RGS21: variants seen among roughly 807,000 people sequenced by gnomAD.
RGS21 encodes the protein regulator of G-protein signalling 21.
Under a neutral mutation model 18.7 loss-of-function variants are expected in RGS21, and 19 were observed. The observed-to-expected ratio is 1.01, with a 90% confidence interval of 0.71 to 1.49. The LOEUF is 1.49. Among genes scored for constraint, RGS21 ranks in the 40% most tolerant of loss-of-function variants. The pLI is 0.00. For missense variants in RGS21, 194 were observed against 176.8 expected, an observed-to-expected ratio of 1.10 and a Z score of -0.55; for synonymous variants, 56 against 57.8, an observed-to-expected ratio of 0.97 and a Z score of 0.14.
At chr1:192,364,910 G>T (rs1473040293) in intron 4 of RGS21, among the ~76,000 whole-genome samples, 4 of 151,910 alleles carry the variant, frequency 2.6e-5, no homozygotes, top group Non-Finnish European at 5.9e-5. Context: ...AGGCAGGCAG[G>T]TCATCTGAGG....
At chr1:192,342,005 C>T (rs956221412) in intron 1 of RGS21, among the ~76,000 whole-genome samples, 1 of 151,942 alleles carries the variant, frequency 6.6e-6, no homozygotes, top group African/African-American at 2.4e-5. Context: ...GATACACCGA[C>T]TTTTTAGGTC....
chr1:192,336,513 A>T (rs140715312), intron 1 of RGS21, among the ~76,000 whole-genome samples: 1 of 152,294 alleles, frequency 6.6e-6, no homozygotes, highest in Non-Finnish European at 1.5e-5. Context: ...GATAAATTCA[A>T]TGCAAGACCT....
chr1:192,355,535 CA>C (rs1056463191), intron 4 of RGS21, among the ~76,000 whole-genome samples: 5 of 149,030 alleles, frequency 3.4e-5, no homozygotes, highest in Non-Finnish European at 7.5e-5. Context: ...GAAAATATAG[CA>C]GAAAAAAAAA....
At chr1:192,344,761 T>C (rs1051338898) in intron 2 of RGS21, among the ~76,000 whole-genome samples, 4 of 152,026 alleles carry the variant, frequency 2.6e-5, no homozygotes. Flanking sequence ...AATTTAACCT[T>C]CTGGATAAGA....
At chr1:192,327,689 T>C (rs1481704413) in intron 1 of RGS21, among the ~76,000 whole-genome samples, 1 of 152,010 alleles carries the variant, frequency 6.6e-6, no homozygotes, top group Non-Finnish European at 1.5e-5. Context: ...GCCAGGCTGG[T>C]CTTGAACTCC....
chr1:192,330,701 G>A (rs1465556512), intron 1 of RGS21, among the ~76,000 whole-genome samples: 2 of 152,170 alleles, frequency 1.3e-5, no homozygotes, highest in African/African-American at 4.8e-5. Context: ...ATGGACAAAC[G>A]GAATGTTGCT....
rs111489913 is a variant in RGS21, at chr1:192,317,949, T to C, written c.-61+844T>C. Among the ~76,000 whole-genome samples the C allele has an allele frequency of 5.5e-3, 843 of 152,196 alleles. 9 individuals carry two copies. The highest frequency in any genetic ancestry group is 0.019 in the African/African-American group (776 of 41,558). On this transcript the variant is annotated intron_variant, in intron 1 of 4. Coordinates refer to ENST00000417209, the MANE Select transcript of RGS21 (RefSeq NM_001039152.3). The stretch of plus-strand genomic sequence containing the variant: ...ACTCAAGATGAAATGGTTGTTACTT[T>C]GTTTTGGCATTTACTAGTACATGTA...
chr1:192,358,415 T>C (rs1571463194), intron 4 of RGS21, among the ~76,000 whole-genome samples: 1 of 152,172 alleles, frequency 6.6e-6, no homozygotes, highest in Non-Finnish European at 1.5e-5. Context: ...TTTTAGGATA[T>C]TCATTTGCTT....
intron 1 of RGS21, among the ~76,000 whole-genome samples, chr1:192,337,864 T>C (rs866323662): frequency 1.3e-5 from 2 of 152,228 alleles, no homozygotes; most frequent in South Asian, 4.1e-4. Flanking sequence ...TTCACTAAAG[T>C]GAAAAAATGT....
intron 1 of RGS21, among the ~76,000 whole-genome samples, chr1:192,331,647 A>C (rs1374618866): frequency 1.3e-5 from 2 of 151,884 alleles, no homozygotes; most frequent in Non-Finnish European, 2.9e-5. Flanking sequence ...CATATTTAAA[A>C]ACCTATTGAG....
intron 2 of RGS21, among the ~76,000 whole-genome samples, chr1:192,343,255 G>A (rs1658899599): frequency 6.6e-6 from 1 of 151,974 alleles, no homozygotes; most frequent in Admixed American, 6.6e-5. Flanking sequence ...TATTCTTCAT[G>A]TGGGCTAAAG....
Position 192,350,943 on chromosome 1 carries a change from G to C in RGS21, c.89-1104G>C, listed in dbSNP as rs1167715398. 3.9e-5 allele frequency among the ~76,000 whole-genome samples: 6 copies of C among 152,308 alleles called. No individual in the cohort carries two copies. In the East Asian group the frequency reaches 1.2e-3, roughly 29 times the overall value. ...AAGGGATATAAGTGTAAATTTGACTGAAAGTAAGATAAGGGAAAGAAGTGA... is the reference window on the plus strand; with the variant it reads ...AAGGGATATAAGTGTAAATTTGACTCAAAGTAAGATAAGGGAAAGAAGTGA... On this transcript the variant is annotated intron_variant, in intron 3 of 4. Coordinates refer to ENST00000417209, the MANE Select transcript of RGS21 (RefSeq NM_001039152.3).
intron 2 of RGS21, among the ~76,000 whole-genome samples, chr1:192,343,817 G>C (rs898819769): frequency 6.6e-6 from 1 of 151,984 alleles, no homozygotes; most frequent in African/African-American, 2.4e-5. Flanking sequence ...AATGAAAAGA[G>C]CCAGACAAAA....
rs147266394 is a variant in RGS21 at position 192,348,009 on chromosome 1, C to CATAT, written c.88+627_88+630dup. 4.0e-3 allele frequency among the ~76,000 whole-genome samples: 593 copies of CATAT among 146,972 alleles called. 4 individuals are homozygous for CATAT. The highest frequency in any genetic ancestry group is 0.014 in the African/African-American group (555 of 39,040). The stretch of plus-strand genomic sequence containing the variant: ...GTGTGTGTATACACACATACACATA[C>CATAT]ATATATATATGTATTTTTTTTTTTT... On this transcript the variant is annotated intron_variant, in intron 3 of 4. Coordinates refer to ENST00000417209, the MANE Select transcript of RGS21 (RefSeq NM_001039152.3).
intron 1 of RGS21, among the ~76,000 whole-genome samples, chr1:192,322,507 C>T (rs907943301): frequency 3.3e-5 from 5 of 152,112 alleles, no homozygotes; most frequent in Non-Finnish European, 7.4e-5. Context: ...AATCAATAAA[C>T]ATTCTCAAAC....
At chr1:192,364,377 G>A (rs1659225858) in intron 4 of RGS21, among the ~76,000 whole-genome samples, 1 of 152,098 alleles carries the variant, frequency 6.6e-6, no homozygotes, top group Admixed American at 6.6e-5. Context: ...GCCTTTTGAT[G>A]ATTCTTTTCA....
intron 4 of RGS21, among the ~76,000 whole-genome samples, chr1:192,357,509 G>A (rs1265166997): frequency 6.6e-6 from 1 of 151,780 alleles, no homozygotes; most frequent in East Asian, 1.9e-4. Flanking sequence ...ATCTCATTTG[G>A]TCATCACGTT....
chr1:192,345,156 G>C (rs535554303), intron 2 of RGS21, among the ~76,000 whole-genome samples: 1 of 152,108 alleles, frequency 6.6e-6, no homozygotes, highest in East Asian at 1.9e-4. Flanking sequence ...TATCCAAAAA[G>C]ATTTCAAGAA....
chr1:192,349,467 C>G (rs980329607), intron 3 of RGS21, among the ~76,000 whole-genome samples: 9 of 152,128 alleles, frequency 5.9e-5, no homozygotes, highest in Admixed American at 5.9e-4. Flanking sequence ...AGGCATTAGC[C>G]TAGTTTTCAC....
Sources: gnomAD v4.1 joint callset for allele counts (sites outside exome capture counted in the v4.1 genomes callset) on GRCh38, gnomAD v4.1.1 for gene constraint, MANE v1.5 for transcripts, NCBI Gene and HGNC (gene_info 2026-07-23, HGNC 2026-07-21) for gene names.